Variants in CAMK1D observed in about 807,000 individuals in gnomAD.
CAMK1D encodes calcium/calmodulin dependent protein kinase ID, also known as calcium/calmodulin-dependent protein kinase type 1D.
CAMK1D carries 9 observed loss-of-function variants against 47.7 expected under a neutral mutation model. The ratio of observed to expected loss-of-function variants is 0.19; its 90% confidence interval spans 0.11 to 0.33. The LOEUF is 0.33. CAMK1D is among the 10% of genes least tolerant of loss of function. The pLI, the probability that CAMK1D is intolerant of heterozygous loss-of-function variation, is 1.00. For synonymous variants in CAMK1D, 184 were observed against 184.9 expected (o/e 0.99, Z 0.04); for missense variants, 291 against 488.7 (o/e 0.60, Z 3.81).
chr10:12,535,777 G>A (rs1366788109), intron 1 of CAMK1D, among the ~76,000 whole-genome samples: 1 of 152,132 alleles, frequency 6.6e-6, no homozygotes, highest in Non-Finnish European at 1.5e-5. Flanking sequence ...TTGTGGTAGG[G>A]TCTGTTGCCT....
chr10:12,510,386 A>G (rs1835004326), intron 1 of CAMK1D, among the ~76,000 whole-genome samples: 1 of 151,946 alleles, frequency 6.6e-6, no homozygotes, highest in African/African-American at 2.4e-5. Context: ...ACTGCACTCC[A>G]GCCTGGGTGA....
rs1287912528 is a variant in CAMK1D at position 12,828,914 on chromosome 10, C to T, written c.*27C>T. 2.1e-6 allele frequency: 3 copies of T among 1,457,098 alleles called. No homozygotes were observed. Among genetic ancestry groups the T allele is most frequent in the East Asian group, 2.4e-5 (1 of 40,840 alleles). 90.3% of individuals were successfully genotyped at this position (1,457,098 alleles called of 1,614,324 possible). On this transcript the variant is annotated 3_prime_UTR_variant, in exon 11 of 11. Transcript: ENST00000619168. The stretch of plus-strand genomic sequence containing the variant: ...TGGCCCTGGAGGTGGGGCCCGGGGT[C>T]GGGGCTGGGGAAGGGGAGCCCCAGG...
intron 2 of CAMK1D, among the ~76,000 whole-genome samples, chr10:12,554,713 AATTTT>A (rs1836706240): frequency 6.7e-6 from 1 of 148,804 alleles, no homozygotes; most frequent in Non-Finnish European, 1.5e-5. Flanking sequence ...ATTAAAAAAA[AATTTT>A]TTTTTTAAGA....
At chr10:12,394,474 T>G (rs1019815273) in intron 1 of CAMK1D, among the ~76,000 whole-genome samples, 14 of 152,242 alleles carry the variant, frequency 9.2e-5, no homozygotes, top group Admixed American at 8.5e-4. Flanking sequence ...GCCCCCCTTT[T>G]CCAAGAGTCA....
chr10:12,615,491 C>G (rs1838757374), intron 2 of CAMK1D, among the ~76,000 whole-genome samples: 1 of 142,968 alleles, frequency 7.0e-6, no homozygotes, highest in Non-Finnish European at 1.5e-5. Context: ...TAGGTGTGTG[C>G]ATGTGTACAT....
At chr10:12,622,063 G>T (rs538016660) in intron 2 of CAMK1D, among the ~76,000 whole-genome samples, 1 of 152,308 alleles carries the variant, frequency 6.6e-6, no homozygotes, top group South Asian at 2.1e-4. Context: ...TGCATGTGGC[G>T]GGGTTAGGCC....
In CAMK1D at chr10:12,416,565, T is replaced by C. The variant is rs1001669627; in HGVS notation, c.92+66655T>C. 2.0e-5 allele frequency among the ~76,000 whole-genome samples: 3 copies of C among 151,932 alleles called. No individual in the cohort carries two copies. The South Asian group carries it at 6.2e-4, about 32-fold the overall frequency. ...CTGTCGGATGGGGCCAGGCCAAGAG[T>C]CCGTGCAGAAAAATCCCACAGTTGT... On this transcript the variant is annotated intron_variant, in intron 1 of 10. Transcript: ENST00000619168.
At chr10:12,569,722 CAAA>C (rs56335336) in intron 2 of CAMK1D, among the ~76,000 whole-genome samples, 2 of 71,468 alleles carry the variant, frequency 2.8e-5, no homozygotes, top group African/African-American at 6.4e-5. Context: ...GACTCCGTCT[CAAA>C]AAAAAAAAAA....
Position 12,829,209 on chromosome 10 carries a change from G to A in CAMK1D, c.*322G>A, listed in dbSNP as rs752473856. The stretch of plus-strand genomic sequence containing the variant: ...TCCACTCTTCTCAGTGTAGGTAACC[G>A]TCTATGGTGTGTTTTTTCATTAATG... On this transcript the variant is annotated 3_prime_UTR_variant, in exon 11 of 11. Coordinates refer to ENST00000619168, the MANE Select transcript of CAMK1D (RefSeq NM_153498.4). 4.7e-6 allele frequency: 1 copy of A among 214,256 alleles called. No homozygotes were observed. The highest frequency in any genetic ancestry group is 9.7e-5 in the East Asian group (1 of 10,272). 13.3% of individuals were successfully genotyped at this position (214,256 alleles called of 1,614,324 possible).
intron 3 of CAMK1D, among the ~76,000 whole-genome samples, chr10:12,672,824 GT>G (rs892129572): frequency 7.5e-6 from 1 of 133,050 alleles, no homozygotes; most frequent in Non-Finnish European, 1.6e-5. Context: ...TTATTTATTT[GT>G]TTTTTCCTTA....
chr10:12,676,229 C>T (rs113443262), intron 3 of CAMK1D, among the ~76,000 whole-genome samples: 14 of 152,234 alleles, frequency 9.2e-5, no homozygotes, highest in Non-Finnish European at 1.3e-4. Flanking sequence ...GCTGGGATTA[C>T]AGGCGTTAGC....
chr10:12,478,891 T>C (rs1564363710), intron 1 of CAMK1D, among the ~76,000 whole-genome samples: 1 of 152,202 alleles, frequency 6.6e-6, no homozygotes, highest in Non-Finnish European at 1.5e-5. Context: ...TGAATGATAA[T>C]AATAGTCATC....
chr10:12,371,574 G>GAA (rs543171191), intron 1 of CAMK1D, among the ~76,000 whole-genome samples: 4 of 104,126 alleles, frequency 3.8e-5, no homozygotes, highest in South Asian at 3.3e-4. Flanking sequence ...AGACTGTCCC[G>GAA]AAAAAAAAAA....
At chr10:12,576,831 C>G (rs1014616561) in intron 2 of CAMK1D, among the ~76,000 whole-genome samples, 9 of 152,144 alleles carry the variant, frequency 5.9e-5, no homozygotes, top group Non-Finnish European at 1.3e-4. Context: ...GCTTTGTAGA[C>G]AAATCCATGC....
intron 2 of CAMK1D, among the ~76,000 whole-genome samples, chr10:12,556,095 A>G (rs1836751706): frequency 6.6e-6 from 1 of 151,674 alleles, no homozygotes; most frequent in African/African-American, 2.4e-5. Flanking sequence ...CAAAGAAGTG[A>G]TTTCTCCAGG....
At chr10:12,368,175 G>A (rs1414461870) in intron 1 of CAMK1D, among the ~76,000 whole-genome samples, 1 of 150,428 alleles carries the variant, frequency 6.6e-6, no homozygotes, top group African/African-American at 2.4e-5. Flanking sequence ...GTCCGGCCTG[G>A]GCGACAGAGC....
chr10:12,672,896 C>CTTTTTTTTTTTTTTTTTTTTTTT (rs750447013), intron 3 of CAMK1D, among the ~76,000 whole-genome samples: 3 of 76,516 alleles, frequency 3.9e-5, no homozygotes, highest in African/African-American at 1.3e-4. Flanking sequence ...ATAGGCTTGC[C>CTTTTTTTTTTTTTTTTTTTTTTT]TTTTTTTTTT....
chr10:12,470,065 T>C (rs1279047570), intron 1 of CAMK1D, among the ~76,000 whole-genome samples: 2 of 152,242 alleles, frequency 1.3e-5, no homozygotes, highest in African/African-American at 4.8e-5. Context: ...GTTCATTTGT[T>C]AATAAACAAC....
intron 3 of CAMK1D, among the ~76,000 whole-genome samples, chr10:12,746,404 CT>C (rs1382133979): frequency 6.6e-6 from 1 of 151,250 alleles, no homozygotes; most frequent in Non-Finnish European, 1.5e-5. Flanking sequence ...AATCTGTCCA[CT>C]TGAGGCTAAC....
Sources: allele counts gnomAD v4.1 joint callset (sites outside exome capture counted in the v4.1 genomes callset), GRCh38; gene constraint gnomAD v4.1.1; transcripts MANE v1.5; gene names NCBI Gene and HGNC (gene_info 2026-07-23, HGNC 2026-07-21).